UST: variants seen among roughly 807,000 people sequenced by gnomAD.
UST encodes chondroitin sulfate 2-O-sulfotransferase.
A neutral mutation model predicts 45.6 loss-of-function variants in UST; 21 were observed. That is an observed-to-expected ratio of 0.46 (90% CI 0.33 to 0.66). The LOEUF is 0.66. Ranked by LOEUF, UST falls within the 30% of genes least tolerant of loss-of-function variation. The pLI, the probability that UST is intolerant of heterozygous loss-of-function variation, is 0.02. For missense variants in UST, 463 were observed against 512.4 expected, an observed-to-expected ratio of 0.90 and a Z score of 0.93; for synonymous variants, 215 against 200.6, an observed-to-expected ratio of 1.07 and a Z score of -0.61.
intron 5 of UST, among the ~76,000 whole-genome samples, chr6:148,968,458 A>G (rs2114964637): frequency 6.6e-6 from 1 of 152,334 alleles, no homozygotes; most frequent in East Asian, 1.9e-4. Context: ...CAGAGCTGGA[A>G]GCTCCCCAGT....
At chr6:148,832,033 G>T (rs1049080967) in intron 1 of UST, among the ~76,000 whole-genome samples, 3 of 152,042 alleles carry the variant, frequency 2.0e-5, no homozygotes, top group Non-Finnish European at 2.9e-5. Context: ...TCTCTCTATT[G>T]CCCAGGCTGG....
intron 7 of UST, among the ~76,000 whole-genome samples, chr6:149,063,264 T>C (rs1776681772): frequency 6.6e-6 from 1 of 152,224 alleles, no homozygotes. Context: ...TTTTTTTACT[T>C]TGTTTTCCCT....
chr6:148,940,541 G>A (rs1330370529), intron 2 of UST, among the ~76,000 whole-genome samples: 1 of 152,118 alleles, frequency 6.6e-6, no homozygotes, highest in East Asian at 1.9e-4. Flanking sequence ...TGGCAAGGAT[G>A]TGCAGAAATT....
intron 1 of UST, among the ~76,000 whole-genome samples, chr6:148,801,440 C>G (rs1425043024): frequency 6.6e-6 from 1 of 152,122 alleles, no homozygotes; most frequent in Non-Finnish European, 1.5e-5. Context: ...TTTCACAACC[C>G]AAATGGCAGT....
At chr6:148,887,724 A>T (rs1227698779) in intron 2 of UST, among the ~76,000 whole-genome samples, 2 of 151,930 alleles carry the variant, frequency 1.3e-5, no homozygotes, top group Non-Finnish European at 2.9e-5. Flanking sequence ...TTTTGACATC[A>T]TTTTTTTTCC....
At chr6:148,947,824 C>T (rs1369762146) in intron 3 of UST, among the ~76,000 whole-genome samples, 2 of 152,012 alleles carry the variant, frequency 1.3e-5, no homozygotes, top group African/African-American at 4.8e-5. Context: ...GGAGCCTGGT[C>T]CCTTTCCATG....
Position 149,076,605 on chromosome 6 carries a change from A to AC in UST, c.*2490dup, listed in dbSNP as rs1382507619. 3 of 140,746 alleles carry AC rather than the reference A, an allele frequency of 2.1e-5. No homozygotes were observed. Among genetic ancestry groups the AC allele is most frequent in the Non-Finnish European group, 4.7e-5 (3 of 63,612 alleles). 8.7% of individuals were successfully genotyped at this position (140,746 alleles called of 1,614,324 possible). A position where few individuals can be genotyped will look rare whatever the true frequency, so the allele number is the denominator to read the frequency against. The stretch of plus-strand genomic sequence containing the variant: ...TTCAGTTTATTTGGCAAACATGACA[A>AC]CATTTTTTTTGGCCCTGGGCCCAAC... On this transcript the variant is annotated 3_prime_UTR_variant, in exon 8 of 8. Coordinates refer to ENST00000367463, the MANE Select transcript of UST (RefSeq NM_005715.3).
intron 2 of UST, among the ~76,000 whole-genome samples, chr6:148,921,102 A>G (rs1165023586): frequency 6.6e-6 from 1 of 152,244 alleles, no homozygotes; most frequent in East Asian, 1.9e-4. Context: ...GAGTCTATTA[A>G]TTAGTTCTAA....
At chr6:148,917,499 C>T (rs188152981) in intron 2 of UST, among the ~76,000 whole-genome samples, 8 of 152,330 alleles carry the variant, frequency 5.3e-5, no homozygotes, top group Non-Finnish European at 7.3e-5. Flanking sequence ...GGAAGAATTA[C>T]GTGGCGTGCT....
At chr6:148,954,206 T>A (rs555443247) in intron 4 of UST, among the ~76,000 whole-genome samples, 5 of 152,314 alleles carry the variant, frequency 3.3e-5, no homozygotes, top group African/African-American at 9.6e-5. Flanking sequence ...AGCTCTTTTT[T>A]AAAAAGGAAT....
chr6:149,069,983 G>A (rs538218235), intron 7 of UST, among the ~76,000 whole-genome samples: 5 of 152,244 alleles, frequency 3.3e-5, no homozygotes, highest in African/African-American at 1.2e-4. Flanking sequence ...CTTTGAGGCT[G>A]TGAAATAGAA....
chr6:148,898,663 G>T (rs1380955602), intron 2 of UST, among the ~76,000 whole-genome samples: 1 of 152,186 alleles, frequency 6.6e-6, no homozygotes, highest in Non-Finnish European at 1.5e-5. Context: ...CTCCACAAAT[G>T]TTTAGTGCTA....
At position 148,806,605 on chromosome 6, in the gene UST, C is replaced by G. The variant is rs150970394; in HGVS notation, c.247+58928C>G. Among the ~76,000 whole-genome samples, 1,433 of 152,218 alleles carry G rather than the reference C, an allele frequency of 9.4e-3. 20 individuals are homozygous for G. The highest frequency in any genetic ancestry group is 0.033 in the African/African-American group (1,361 of 41,540). ...CTGCCTGCCTCGGCCTCCCAAAGTG[C>G]TGGGATTACAGGCGTGAGCCATCGC... is the stretch of plus-strand genomic sequence containing the variant. On this transcript the variant is annotated intron_variant, in intron 1 of 7. Coordinates refer to ENST00000367463, the MANE Select transcript of UST (RefSeq NM_005715.3).
intron 7 of UST, among the ~76,000 whole-genome samples, chr6:149,053,261 A>C (rs983889013): frequency 6.6e-6 from 1 of 152,212 alleles, no homozygotes; most frequent in Non-Finnish European, 1.5e-5. Flanking sequence ...GTCTACCAGA[A>C]ATAAGTACGG....
chr6:148,998,092 C>A (rs374354832), intron 5 of UST, among the ~76,000 whole-genome samples: 1 of 152,214 alleles, frequency 6.6e-6, no homozygotes, highest in African/African-American at 2.4e-5. Flanking sequence ...GCTAAGAAGG[C>A]AAAATCATCA....
At chr6:148,964,819 AC>A in intron 5 of UST, 1 of 498,620 alleles carries the variant, frequency 2.0e-6, no homozygotes, top group Non-Finnish European at 3.6e-6. Flanking sequence ...AGGTTTTGGG[AC>A]CCAGAGCGTT....
rs188058455 is a variant in UST, at chr6:149,019,162, A to G, written c.705A>G (p.Glu235=). ...AGGATATCAATGAGTGTATTCTTGA[A>G]AACTATCCCGAGTGCTCCAACCCCA... ...RYLDINECIL[E]NYPECSNPRL... is the part of the protein sequence containing the mutation. Residue 235 remains glutamate, a synonymous_variant, in exon 6 of 8, where the codon GAA becomes GAG. Transcript: ENST00000367463. The G allele has an allele frequency of 5.2e-5, 84 of 1,613,940 alleles. 1 individual carries two copies. The East Asian group carries it at 1.7e-3, about 33-fold the overall frequency.
At chr6:148,856,600 G>A (rs955842938) in intron 1 of UST, among the ~76,000 whole-genome samples, 3 of 152,172 alleles carry the variant, frequency 2.0e-5, no homozygotes, top group African/African-American at 7.2e-5. Flanking sequence ...TGAAGAGATG[G>A]GACTAGGGTT....
intron 2 of UST, among the ~76,000 whole-genome samples, chr6:148,895,203 T>A (rs1779102446): frequency 6.6e-6 from 1 of 152,146 alleles, no homozygotes; most frequent in Admixed American, 6.5e-5. Flanking sequence ...TCCTCATCAT[T>A]CTCATGTTTT....
Sources: gnomAD v4.1 joint callset for allele counts (sites outside exome capture counted in the v4.1 genomes callset) on GRCh38, gnomAD v4.1.1 for gene constraint, MANE v1.5 for transcripts, NCBI Gene and HGNC (gene_info 2026-07-23, HGNC 2026-07-21) for gene names.